CHRNA7: variants seen among roughly 807,000 people sequenced by gnomAD.
CHRNA7 encodes neuronal acetylcholine receptor subunit alpha-7.
In CHRNA7, 17 loss-of-function variants were observed where a neutral mutation model predicts 48.0. The observed-to-expected ratio is 0.35, with a 90% CI of 0.24 to 0.53. The LOEUF (loss-of-function observed/expected upper bound fraction) is 0.53, where lower values mean the gene tolerates loss of function less well. Ranked by LOEUF, CHRNA7 falls within the 20% of genes least tolerant of loss-of-function variation. The probability of loss-of-function intolerance (pLI) is 0.92; values close to 1 mark genes in which losing one functional copy is unlikely to be tolerated. For missense variants in CHRNA7, 155 were observed against 577.7 expected (o/e 0.27, Z 7.50); for synonymous variants, 75 against 242.3 (o/e 0.31, Z 6.41).
rs1276301012 is a variant in CHRNA7, at chr15:32,030,620, G to T, written c.26G>T (p.Trp9Leu). 2 of 1,567,550 alleles carry T rather than the reference G, an allele frequency of 1.3e-6. No homozygotes were observed. The highest frequency in any genetic ancestry group is 3.5e-5 in the Admixed American group (2 of 56,514). ...ATGCGCTGCTCGCCGGGAGGCGTCT[G>T]GCTGGCGCTGGCCGCGTCGCTCCTG... Reference protein sequence around the residue: MRCSPGGVWLALAASLLHV... With the variant: MRCSPGGVLLALAASLLHV... Residue 9 changes from tryptophan (W) to leucine (L), a missense_variant, in exon 1 of 10, where the codon TGG becomes TTG. Transcript: ENST00000306901.
At chr15:32,098,251 C>G (rs2050505713) in intron 2 of CHRNA7, among the ~76,000 whole-genome samples, 1 of 152,116 alleles carries the variant, frequency 6.6e-6, no homozygotes, top group Non-Finnish European at 1.5e-5. Context: ...AGCTTTAGTG[C>G]AGCAGGGTCG....
chr15:32,064,559 T>G (rs2049934848), intron 2 of CHRNA7, among the ~76,000 whole-genome samples: 1 of 151,606 alleles, frequency 6.6e-6, no homozygotes, highest in Non-Finnish European at 1.5e-5. Flanking sequence ...ATGGTAGTGG[T>G]GGTGATGTTG....
intron 4 of CHRNA7, among the ~76,000 whole-genome samples, chr15:32,114,237 T>C (rs933259931): frequency 2.6e-5 from 4 of 151,816 alleles, no homozygotes; most frequent in Non-Finnish European, 5.9e-5. Context: ...TTATATGGCC[T>C]ATGTGTAGGA....
intron 2 of CHRNA7, among the ~76,000 whole-genome samples, chr15:32,089,021 C>A (rs76472888): frequency 0.015 from 2,346 of 152,158 alleles, 36 homozygotes; most frequent in Non-Finnish European, 0.019. Flanking sequence ...ATATTTAATC[C>A]TGTCTTTTCT....
chr15:32,050,542 T>C (rs1388688628), intron 2 of CHRNA7, among the ~76,000 whole-genome samples: 4 of 152,190 alleles, frequency 2.6e-5, no homozygotes, highest in African/African-American at 4.8e-5. Flanking sequence ...TAGTTATACA[T>C]TCGTCTAAAT....
At chr15:32,106,895 C>T (rs2050678706) in intron 3 of CHRNA7, among the ~76,000 whole-genome samples, 1 of 152,114 alleles carries the variant, frequency 6.6e-6, no homozygotes, top group Non-Finnish European at 1.5e-5. Flanking sequence ...TTAATTTCTG[C>T]ATTCATCATC....
chr15:32,048,809 T>G (rs1457089413), intron 2 of CHRNA7, among the ~76,000 whole-genome samples: 4 of 152,038 alleles, frequency 2.6e-5, no homozygotes, highest in Non-Finnish European at 5.9e-5. Context: ...GGGCATTTAG[T>G]GCTATAAATT....
rs564399410 is a variant in CHRNA7 at position 32,037,801 on chromosome 15, T to C, written c.195+6764T>C. ...ATTGTTTATTAGCTCCTGGAGATTT[T>C]TTTTTTGGTCAGTTATTTTGGGTTT... On this transcript the variant is annotated intron_variant, in intron 2 of 9. Coordinates refer to ENST00000306901, the MANE Select transcript of CHRNA7 (RefSeq NM_000746.6). 4.6e-5 allele frequency among the ~76,000 whole-genome samples: 7 copies of C among 152,182 alleles called. No homozygotes were observed. The East Asian group carries it at 9.6e-4, about 21-fold the overall frequency.
At chr15:32,035,978 A>T (rs548952317) in intron 2 of CHRNA7, among the ~76,000 whole-genome samples, 2 of 152,256 alleles carry the variant, frequency 1.3e-5, no homozygotes, top group African/African-American at 4.8e-5. Flanking sequence ...GGTTTTGTAT[A>T]ATCTATGGGT....
chr15:32,117,334 T>C (rs1488065831), intron 4 of CHRNA7, among the ~76,000 whole-genome samples: 1 of 152,166 alleles, frequency 6.6e-6, no homozygotes, highest in Non-Finnish European at 1.5e-5. Context: ...GGGTGTCAGC[T>C]CCCTGGCACC....
intron 2 of CHRNA7, among the ~76,000 whole-genome samples, chr15:32,063,286 T>C (rs898805357): frequency 6.6e-6 from 1 of 152,116 alleles, no homozygotes; most frequent in African/African-American, 2.4e-5. Context: ...ATGACATCAC[T>C]AGGCAATAGG....
At chr15:32,141,479 G>C (rs2051377598) in intron 4 of CHRNA7, among the ~76,000 whole-genome samples, 1 of 152,192 alleles carries the variant, frequency 6.6e-6, no homozygotes, top group Non-Finnish European at 1.5e-5. Flanking sequence ...GTAGCTTGAT[G>C]GGGATGGCAT....
At chr15:32,128,414 A>G (rs1267860078) in intron 4 of CHRNA7, among the ~76,000 whole-genome samples, 1 of 151,886 alleles carries the variant, frequency 6.6e-6, no homozygotes, top group East Asian at 1.9e-4. Flanking sequence ...ATCCATGATC[A>G]TGGTATGTCC....
chr15:32,120,417 GTTTTC>G (rs61075775), intron 4 of CHRNA7, among the ~76,000 whole-genome samples: 2,353 of 151,870 alleles, frequency 0.015, 28 homozygotes, highest in South Asian at 0.027. Context: ...CTGCTGTGGG[GTTTTC>G]TTTTCTTTTC....
rs867472835 is a variant in CHRNA7, at chr15:32,030,650, G to A, written c.55+1G>A. 2 of 1,577,582 alleles carry A rather than the reference G, an allele frequency of 1.3e-6. No individual in the cohort carries two copies. The highest frequency in any genetic ancestry group is 1.2e-5 in the South Asian group (1 of 86,398). ...GCGCTGGCCGCGTCGCTCCTGCACGGTAAAGCCACTGCCTCCCCGCCCTCC... is the reference window on the plus strand; with the variant it reads ...GCGCTGGCCGCGTCGCTCCTGCACGATAAAGCCACTGCCTCCCCGCCCTCC... On this transcript the variant is annotated splice_donor_variant, in intron 1 of 9. Coordinates refer to ENST00000306901, the MANE Select transcript of CHRNA7 (RefSeq NM_000746.6). LOFTEE classifies it high-confidence loss of function.
At chr15:32,069,857 T>C (rs1250772159) in intron 2 of CHRNA7, among the ~76,000 whole-genome samples, 1 of 152,170 alleles carries the variant, frequency 6.6e-6, no homozygotes, top group Non-Finnish European at 1.5e-5. Context: ...AATATTGTGT[T>C]AGCAAACATA....
intron 2 of CHRNA7, among the ~76,000 whole-genome samples, chr15:32,061,665 G>A (rs546118687): frequency 8.5e-5 from 13 of 152,188 alleles, no homozygotes; most frequent in Non-Finnish European, 1.3e-4. Flanking sequence ...GAGATTAGCC[G>A]GGCGTGGTGG....
intron 2 of CHRNA7, among the ~76,000 whole-genome samples, chr15:32,095,554 A>C (rs898077804): frequency 1.3e-5 from 2 of 152,128 alleles, no homozygotes; most frequent in African/African-American, 4.8e-5. Flanking sequence ...AAATCTCCTT[A>C]ATGCCTCATG....
rs745562896 is a variant in CHRNA7, at chr15:32,136,981, G to A, written c.351-16926G>A. On this transcript the variant is annotated intron_variant, in intron 4 of 9. Coordinates refer to ENST00000306901, the MANE Select transcript of CHRNA7 (RefSeq NM_000746.6). ...CGGGAGGCGGAGCTTGCAGTGAGCC[G>A]AGATCCCGCCACTGCACTCCAGCCT... 5.1e-3 allele frequency among the ~76,000 whole-genome samples: 648 copies of A among 128,156 alleles called. 12 individuals are homozygous for A. The highest frequency in any genetic ancestry group is 0.031 in the Admixed American group (347 of 11,106). The allele number at this position is 128,156 out of a possible 152,430, so 84.1% of individuals were successfully genotyped here.
Sources: allele counts gnomAD v4.1 joint callset (sites outside exome capture counted in the v4.1 genomes callset), GRCh38; gene constraint gnomAD v4.1.1; transcripts MANE v1.5; gene names NCBI Gene and HGNC (gene_info 2026-07-23, HGNC 2026-07-21).